MYRIP: variants seen among roughly 807,000 people sequenced by gnomAD.
MYRIP encodes the protein myosin VIIA and Rab interacting protein, also known as rab effector MyRIP.
Under a neutral mutation model 98.0 loss-of-function variants are expected in MYRIP, and 49 were observed. The observed-to-expected ratio is 0.50, with a 90% CI of 0.40 to 0.63. The LOEUF is 0.63. Among genes scored for constraint, MYRIP ranks in the 30% least tolerant of loss-of-function variants. MYRIP has a pLI of 0.00. For missense variants in MYRIP, 1,004 were observed against 1,058.2 expected (o/e 0.95, Z 0.71); for synonymous variants, 404 against 409.5 (o/e 0.99, Z 0.16).
chr3:39,959,284 C>T (rs535446385), intron 2 of MYRIP, among the ~76,000 whole-genome samples: 4 of 152,292 alleles, frequency 2.6e-5, no homozygotes, highest in South Asian at 2.1e-4. Context: ...AAATGTCCAT[C>T]AATGATAGAC....
At chr3:40,221,888 T>C (rs1029977703) in intron 11 of MYRIP, among the ~76,000 whole-genome samples, 1 of 152,192 alleles carries the variant, frequency 6.6e-6, no homozygotes, top group Admixed American at 6.5e-5. Context: ...ACAACCTGAA[T>C]GCCCAACAAT....
At chr3:39,956,151 T>C (rs555422958) in intron 2 of MYRIP, among the ~76,000 whole-genome samples, 77 of 152,252 alleles carry the variant, frequency 5.1e-4, no homozygotes, top group African/African-American at 1.6e-3. Flanking sequence ...TATCCAGGAA[T>C]TGAACTCAGC....
At chr3:40,254,516 A>G (rs1437315483) in intron 16 of MYRIP, among the ~76,000 whole-genome samples, 1 of 152,070 alleles carries the variant, frequency 6.6e-6, no homozygotes, top group Non-Finnish European at 1.5e-5. Context: ...ACCTGTAAAG[A>G]TAAGCTATCA....
rs115975007 is a variant in MYRIP, at chr3:40,079,655, A to G, written c.332+35384A>G. On this transcript the variant is annotated intron_variant, in intron 3 of 16. Transcript: ENST00000302541. ...TTTTTGTGTGATTCTTGAACATTCC[A>G]TTCCAAGAGCCTTTGCAAAAACCAA... is the stretch of plus-strand genomic sequence containing the variant. Among the ~76,000 whole-genome samples, 616 of 152,324 alleles carry G rather than the reference A, an allele frequency of 4.0e-3. 2 individuals are homozygous for G. Among genetic ancestry groups the G allele is most frequent in the Non-Finnish European group, 6.4e-3 (435 of 68,026 alleles).
intron 3 of MYRIP, among the ~76,000 whole-genome samples, chr3:40,057,103 C>G (rs1947900968): frequency 6.6e-6 from 1 of 152,128 alleles, no homozygotes; most frequent in Non-Finnish European, 1.5e-5. Flanking sequence ...ATGGACTATG[C>G]TGGAATGAAA....
intron 1 of MYRIP, among the ~76,000 whole-genome samples, chr3:39,833,003 A>G: frequency 6.6e-6 from 1 of 152,238 alleles, no homozygotes; most frequent in Non-Finnish European, 1.5e-5. Context: ...CAACACTAGG[A>G]AACAGGTTAG....
At chr3:39,899,883 C>T (rs1012623849) in intron 1 of MYRIP, among the ~76,000 whole-genome samples, 5 of 152,236 alleles carry the variant, frequency 3.3e-5, no homozygotes, top group East Asian at 1.9e-4. Context: ...TGCACTGGCG[C>T]GATCTCAGCT....
intron 9 of MYRIP, among the ~76,000 whole-genome samples, chr3:40,189,318 G>C (rs1951130608): frequency 6.6e-6 from 1 of 152,218 alleles, no homozygotes; most frequent in Non-Finnish European, 1.5e-5. Flanking sequence ...GCCTATCTCA[G>C]GAGCCTATTA....
intron 1 of MYRIP, among the ~76,000 whole-genome samples, chr3:39,816,078 C>CTTTTTT (rs11382431): frequency 1.1e-4 from 16 of 143,186 alleles, no homozygotes; most frequent in Non-Finnish European, 2.1e-4. Flanking sequence ...TTCTTTTTTT[C>CTTTTTT]TTTTTTTTTT....
chr3:40,096,736 A>G (rs1323915165), intron 3 of MYRIP, among the ~76,000 whole-genome samples: 1 of 152,220 alleles, frequency 6.6e-6, no homozygotes, highest in Non-Finnish European at 1.5e-5. Context: ...CCTGCATCTC[A>G]GAGCAGCAGG....
chr3:39,912,185 A>G (rs957406668), intron 2 of MYRIP, among the ~76,000 whole-genome samples: 4 of 152,034 alleles, frequency 2.6e-5, no homozygotes, highest in Non-Finnish European at 5.9e-5. Flanking sequence ...GTGTGGGCCT[A>G]AGACTTAGGA....
chr3:40,070,136 A>G lies in MYRIP; in HGVS notation c.332+25865A>G, dbSNP rs919872590. On this transcript the variant is annotated intron_variant, in intron 3 of 16. Transcript: ENST00000302541. ...ATATCTGGGTCCCTTAATGCCCAAA[A>G]CAGAACATAATACTTGATCAATTAC... Among the ~76,000 whole-genome samples the G allele has an allele frequency of 2.6e-5, 4 of 152,314 alleles. No homozygotes were observed. In the East Asian group the frequency reaches 5.8e-4, roughly 22 times the overall value.
At chr3:40,032,202 T>C (rs1239359065) in intron 2 of MYRIP, among the ~76,000 whole-genome samples, 1 of 152,182 alleles carries the variant, frequency 6.6e-6, no homozygotes, top group African/African-American at 2.4e-5. Context: ...TTGTTCTCGT[T>C]GGTTTCAAAG....
At chr3:39,949,017 G>T (rs1412527136) in intron 2 of MYRIP, among the ~76,000 whole-genome samples, 1 of 152,118 alleles carries the variant, frequency 6.6e-6, no homozygotes, top group Non-Finnish European at 1.5e-5. Context: ...AAAATTTGTA[G>T]GCTTTAGTGA....
rs977593539 is a variant in MYRIP at position 40,160,529 on chromosome 3, G to A, written c.470-2201G>A. ...AGCTGTGGTGGGCTCCACCCAGTTC[G>A]AGTTTCCTGGCTGCTTTGTTTACCT... On this transcript the variant is annotated intron_variant, in intron 4 of 16. Coordinates refer to ENST00000302541, the MANE Select transcript of MYRIP (RefSeq NM_015460.4). Among the ~76,000 whole-genome samples, 4 of 152,180 alleles carry A rather than the reference G, an allele frequency of 2.6e-5. No individual in the cohort carries two copies. In the South Asian group the frequency reaches 8.3e-4, roughly 32 times the overall value.
chr3:40,076,445 A>G (rs2371180), intron 3 of MYRIP, among the ~76,000 whole-genome samples: 62,994 of 151,996 alleles, frequency 0.41, 13,631 homozygotes, highest in Admixed American at 0.48. Flanking sequence ...CCAACCACAA[A>G]CCATATCAAT....
At chr3:39,952,734 CT>C (rs1489319692) in intron 2 of MYRIP, among the ~76,000 whole-genome samples, 1 of 152,148 alleles carries the variant, frequency 6.6e-6, no homozygotes, top group Non-Finnish European at 1.5e-5. Flanking sequence ...AATTTTCCCC[CT>C]CTTTATTTAT....
chr3:40,179,531 T>C (rs1186887291), intron 8 of MYRIP, among the ~76,000 whole-genome samples: 1 of 152,222 alleles, frequency 6.6e-6, no homozygotes, highest in Admixed American at 6.5e-5. Context: ...TTGTTTCCCC[T>C]TTTTAAACTT....
At chr3:40,161,443 C>T (rs1274682317) in intron 4 of MYRIP, among the ~76,000 whole-genome samples, 2 of 152,168 alleles carry the variant, frequency 1.3e-5, no homozygotes, top group Admixed American at 6.5e-5. Context: ...CTCAAATCTT[C>T]CTTCCTATGG....
Sources: gnomAD v4.1 joint callset for allele counts (sites outside exome capture counted in the v4.1 genomes callset) on GRCh38, gnomAD v4.1.1 for gene constraint, MANE v1.5 for transcripts, NCBI Gene and HGNC (gene_info 2026-07-23, HGNC 2026-07-21) for gene names.